ADAMTSL1: variants seen among roughly 807,000 people sequenced by gnomAD.
ADAMTSL1 encodes the protein ADAMTS like 1, also known as ADAMTS-like protein 1.
In ADAMTSL1, 126 loss-of-function variants were observed where a neutral mutation model predicts 201.8. The observed-to-expected ratio is 0.62, with a 90% CI of 0.54 to 0.72. The LOEUF (loss-of-function observed/expected upper bound fraction) is 0.72, where lower values mean the gene tolerates loss of function less well. Ranked by LOEUF, ADAMTSL1 falls within the 30% of genes least tolerant of loss-of-function variation. The probability of loss-of-function intolerance (pLI) is 0.00; values close to 1 mark genes in which losing one functional copy is unlikely to be tolerated. For missense variants in ADAMTSL1, 2,679 were observed against 2,277.8 expected (o/e 1.18, Z -3.59); for synonymous variants, 1,121 against 903.4 (o/e 1.24, Z -4.32).
At chr9:18,378,954 GC>G (rs1458540491) in intron 2 of ADAMTSL1, among the ~76,000 whole-genome samples, 1 of 152,188 alleles carries the variant, frequency 6.6e-6, no homozygotes, top group African/African-American at 2.4e-5. Context: ...GCTTTGGGCT[GC>G]AGGATACTTG....
intron 2 of ADAMTSL1, among the ~76,000 whole-genome samples, chr9:18,444,229 T>C (rs1468064852): frequency 6.6e-6 from 1 of 152,178 alleles, no homozygotes; most frequent in African/African-American, 2.4e-5. Flanking sequence ...AAAAAATTAT[T>C]GAGAAACTAC....
intron 20 of ADAMTSL1, among the ~76,000 whole-genome samples, chr9:18,809,601 C>A (rs990241682): frequency 6.6e-6 from 1 of 152,060 alleles, no homozygotes; most frequent in African/African-American, 2.4e-5. Flanking sequence ...ACCAGCCTGA[C>A]CAATATGGTG....
At chr9:18,110,862 G>A (rs1824976697) in intron 1 of ADAMTSL1, among the ~76,000 whole-genome samples, 1 of 152,136 alleles carries the variant, frequency 6.6e-6, no homozygotes, top group Middle Eastern at 3.2e-3. Context: ...AGAGTCAACT[G>A]AACCACCCCT....
At chr9:17,990,744 G>A (rs1043475126) in intron 1 of ADAMTSL1, among the ~76,000 whole-genome samples, 17 of 152,010 alleles carry the variant, frequency 1.1e-4, no homozygotes, top group African/African-American at 3.4e-4. Flanking sequence ...GCTGAGCCAC[G>A]TTACTAGATA....
At chr9:18,430,439 C>T (rs1360813262) in intron 2 of ADAMTSL1, among the ~76,000 whole-genome samples, 2 of 152,164 alleles carry the variant, frequency 1.3e-5, no homozygotes, top group South Asian at 2.1e-4. Flanking sequence ...AATAAACCTT[C>T]CTATGGACTT....
rs1183548634 is a variant in ADAMTSL1, at chr9:18,718,269, T to C, written c.1877-3267T>C. On this transcript the variant is annotated intron_variant, in intron 14 of 28. Coordinates refer to ENST00000380548, the MANE Select transcript of ADAMTSL1 (RefSeq NM_001040272.6). ...GTCTTGCAAATCATTAAATGTGGACTGTGCTTTGATGGAATAAACTAATGC... is the reference window on the plus strand; with the variant it reads ...GTCTTGCAAATCATTAAATGTGGACCGTGCTTTGATGGAATAAACTAATGC... 4.0e-6 allele frequency: 3 copies of C among 757,558 alleles called. No homozygotes were observed. The African/African-American group carries it at 5.1e-5, about 13-fold the overall frequency. 46.9% of individuals were successfully genotyped at this position (757,558 alleles called of 1,614,324 possible).
chr9:18,251,566 T>C (rs1831465347), intron 2 of ADAMTSL1, among the ~76,000 whole-genome samples: 1 of 152,156 alleles, frequency 6.6e-6, no homozygotes, highest in South Asian at 2.1e-4. Context: ...TCTATTAGAG[T>C]ATCAATTGGG....
rs532682229 is a variant in ADAMTSL1, at chr9:18,064,274, A to G, written c.88-99588A>G. ...AATGATCAATGTAGTCTGTAGGGACATGCAGAGGGAAATCTGCAAAATGTT... is the reference window on the plus strand; with the variant it reads ...AATGATCAATGTAGTCTGTAGGGACGTGCAGAGGGAAATCTGCAAAATGTT... On this transcript the variant is annotated intron_variant, in intron 1 of 29. Coordinates refer to the ADAMTSL1 transcript ENST00000680146. Among the ~76,000 whole-genome samples, 25 of 152,262 alleles carry G rather than the reference A, an allele frequency of 1.6e-4. No homozygotes were observed. The East Asian group carries it at 3.9e-3, about 24-fold the overall frequency.
chr9:18,680,195 C>G (rs1181811679), intron 10 of ADAMTSL1, 117 bp from the exon 11 acceptor site: 39 of 1,075,586 alleles, frequency 3.6e-5, no homozygotes, highest in Non-Finnish European at 4.3e-5. Flanking sequence ...TTTTCTGGAC[C>G]TTAGCCTCTC....
Position 18,688,704 on chromosome 9 carries a change from A to ATC in ADAMTSL1, c.1574+3905_1574+3906insCT, listed in dbSNP as rs1554730431. The stretch of plus-strand genomic sequence containing the variant: ...AAAAAAAAAAAATATATATATATAT[A>ATC]TATATGACTGTGACTAAGAATGCCT... On this transcript the variant is annotated intron_variant, in intron 13 of 28. Transcript: ENST00000380548. Among the ~76,000 whole-genome samples, 383 of 72,446 alleles carry ATC rather than the reference A, an allele frequency of 5.3e-3. 47 individuals are homozygous for ATC. The highest frequency in any genetic ancestry group is 0.049 in the Admixed American group (243 of 4,952). 47.5% of individuals were successfully genotyped at this position (72,446 alleles called of 152,430 possible). A position where few individuals can be genotyped will look rare whatever the true frequency, so the allele number is the denominator to read the frequency against.
chr9:18,220,275 A>C (rs893032924), intron 2 of ADAMTSL1, among the ~76,000 whole-genome samples: 1 of 152,156 alleles, frequency 6.6e-6, no homozygotes, highest in Non-Finnish European at 1.5e-5. Context: ...CTTACATTTT[A>C]AGCTTATGTT....
intron 2 of ADAMTSL1, among the ~76,000 whole-genome samples, chr9:18,293,494 G>A (rs1167817330): frequency 6.6e-6 from 1 of 152,136 alleles, no homozygotes; most frequent in Non-Finnish European, 1.5e-5. Context: ...CAGTGCCGTG[G>A]GCCTGCTGGT....
At chr9:18,662,358 T>G (rs570978730) in intron 9 of ADAMTSL1, among the ~76,000 whole-genome samples, 3 of 152,304 alleles carry the variant, frequency 2.0e-5, no homozygotes, top group East Asian at 3.9e-4. Flanking sequence ...TCTGGTTCCT[T>G]GTTTCTTTCC....
intron 2 of ADAMTSL1, among the ~76,000 whole-genome samples, chr9:18,191,676 C>T (rs1418779140): frequency 1.3e-5 from 2 of 152,204 alleles, no homozygotes; most frequent in South Asian, 2.1e-4. Context: ...GGATGCCCAA[C>T]TTCCACAAAT....
intron 1 of ADAMTSL1, among the ~76,000 whole-genome samples, chr9:17,917,110 G>A (rs769209770): frequency 3.8e-4 from 58 of 151,694 alleles, no homozygotes; most frequent in Non-Finnish European, 5.9e-4. Flanking sequence ...CTTGTTTTCC[G>A]CAACTTTATT....
At chr9:18,851,345 C>T (rs188357119) in intron 23 of ADAMTSL1, among the ~76,000 whole-genome samples, 3 of 152,148 alleles carry the variant, frequency 2.0e-5, no homozygotes, top group Admixed American at 6.5e-5. Context: ...AATTTATGAT[C>T]GAGGAGGAAG....
At chr9:18,228,167 G>T (rs756108076) in intron 2 of ADAMTSL1, among the ~76,000 whole-genome samples, 1 of 152,172 alleles carries the variant, frequency 6.6e-6, no homozygotes, top group Non-Finnish European at 1.5e-5. Context: ...CATAGAGAGA[G>T]GATGTTGGCT....
rs538922609 is a variant in ADAMTSL1, at chr9:18,403,388, T to C, written c.208-101441T>C. 5.9e-5 allele frequency among the ~76,000 whole-genome samples: 9 copies of C among 152,128 alleles called. No individual in the cohort carries two copies. The South Asian group carries it at 1.9e-3, about 32-fold the overall frequency. On this transcript the variant is annotated intron_variant, in intron 2 of 29. Coordinates refer to the ADAMTSL1 transcript ENST00000680146. ...TAGTAGAGAGGGGGCTTCACCATAT[T>C]GGCCAGCCTGGTCTCGAACTCTTGA... is the stretch of plus-strand genomic sequence containing the variant.
intron 2 of ADAMTSL1, among the ~76,000 whole-genome samples, chr9:18,521,589 A>G (rs1335216439): frequency 3.9e-5 from 6 of 152,106 alleles, no homozygotes; most frequent in Non-Finnish European, 8.8e-5. Flanking sequence ...GTTTAGAGAT[A>G]TGATATATAA....
Sources: allele counts gnomAD v4.1 joint callset (sites outside exome capture counted in the v4.1 genomes callset), GRCh38; gene constraint gnomAD v4.1.1; transcripts MANE v1.5; gene names NCBI Gene and HGNC (gene_info 2026-07-23, HGNC 2026-07-21).